Variants in NFKB1 observed in about 807,000 individuals in gnomAD.
NFKB1 encodes nuclear factor NF-kappa-B p105 subunit.
A neutral mutation model predicts 105.1 loss-of-function variants in NFKB1; 9 were observed. That is an observed-to-expected ratio of 0.09 (90% confidence interval 0.05 to 0.15). The LOEUF (loss-of-function observed/expected upper bound fraction) is 0.15. Among genes scored for constraint, NFKB1 ranks in the 10% least tolerant of loss-of-function variants. The pLI, the probability that NFKB1 is intolerant of heterozygous loss-of-function variation, is 1.00. For synonymous variants in NFKB1, 440 were observed against 442.2 expected, an observed-to-expected ratio of 1.00 and a Z score of 0.06; for missense variants, 830 against 1,203.7, an observed-to-expected ratio of 0.69 and a Z score of 4.59.
chr4:102,547,139 C>A, intron 5 of NFKB1, among the ~76,000 whole-genome samples: 1 of 152,082 alleles, frequency 6.6e-6, no homozygotes. Context: ...TCAGAATCTT[C>A]AGATAATTGA....
intron 1 of NFKB1, among the ~76,000 whole-genome samples, chr4:102,510,293 C>T (rs1406791626): frequency 6.6e-6 from 1 of 152,118 alleles, no homozygotes; most frequent in African/African-American, 2.4e-5. Flanking sequence ...TTTTTATTTG[C>T]ACAGCACCTG....
rs369470181 is a variant in NFKB1 at position 102,613,481 on chromosome 4, C to A, written c.2649C>A (p.Thr883=). 7.4e-6 allele frequency: 12 copies of A among 1,613,794 alleles called. No homozygotes were observed. The highest frequency in any genetic ancestry group is 9.3e-6 in the Non-Finnish European group (11 of 1,179,996). Residue 883 remains threonine, a synonymous_variant, in exon 23 of 24, where the codon ACC becomes ACA. Coordinates refer to ENST00000226574, the MANE Select transcript of NFKB1 (RefSeq NM_003998.4). ...LVEALRQMGY[T]EAIEVIQAAS... ...AGGCCCTGAGACAAATGGGCTACAC[C>A]GAAGCAATTGAAGTGATCCAGGCAG...
chr4:102,594,616 C>A (rs964462052), intron 12 of NFKB1, among the ~76,000 whole-genome samples: 14 of 152,166 alleles, frequency 9.2e-5, no homozygotes, highest in African/African-American at 3.1e-4. Context: ...ATTAGCCTCT[C>A]CCCTTCACAT....
intron 5 of NFKB1, among the ~76,000 whole-genome samples, chr4:102,549,687 T>C (rs1722425841): frequency 6.6e-6 from 1 of 152,058 alleles, no homozygotes; most frequent in African/African-American, 2.4e-5. Flanking sequence ...CAACTGAATT[T>C]CAAATCTTCC....
chr4:102,571,555 A>C (rs1724360352), intron 6 of NFKB1, among the ~76,000 whole-genome samples: 1 of 152,228 alleles, frequency 6.6e-6, no homozygotes. Flanking sequence ...CAACCTACAG[A>C]ATGGGAGAAA....
chr4:102,596,265 C>T lies in NFKB1; in HGVS notation c.1428C>T (p.Thr476=), dbSNP rs745959784. ...AAGATCAGGAGCCCAGCGAGGCCAC[C>T]GTTGGGAATGGTGAGGTCACTCTAA... ...TEQDQEPSEA[T]VGNGEVTLTY... The change falls in exon 14 of 24, where the codon ACC becomes ACT. Residue 476 remains threonine, a synonymous_variant. Coordinates refer to ENST00000226574, the MANE Select transcript of NFKB1 (RefSeq NM_003998.4). The T allele has an allele frequency of 4.3e-6, 7 of 1,613,454 alleles. No individual in the cohort carries two copies. The highest frequency in any genetic ancestry group is 2.7e-5 in the African/African-American group (2 of 74,882).
chr4:102,549,537 G>C (rs1011333240), intron 5 of NFKB1, among the ~76,000 whole-genome samples: 1 of 151,132 alleles, frequency 6.6e-6, no homozygotes, highest in Non-Finnish European at 1.5e-5. Flanking sequence ...ATGGTGTTGA[G>C]TTATATAGTT....
chr4:102,586,156 C>T lies in NFKB1; in HGVS notation c.1066+1336C>T, dbSNP rs142281487. ...GAGAAACAGTGCAGTTAGTAAAGGTCCTAGTGCCAGGAATGAAAGGAGATG... is the reference window on the plus strand; with the variant it reads ...GAGAAACAGTGCAGTTAGTAAAGGTTCTAGTGCCAGGAATGAAAGGAGATG... On this transcript the variant is annotated intron_variant, in intron 11 of 23. Coordinates refer to ENST00000226574, the MANE Select transcript of NFKB1 (RefSeq NM_003998.4). 2.6e-5 allele frequency among the ~76,000 whole-genome samples: 4 copies of T among 152,150 alleles called. No individual in the cohort carries two copies. In the East Asian group the frequency reaches 7.7e-4, roughly 29 times the overall value.
At chr4:102,604,599 C>T (rs1310641573) in intron 16 of NFKB1, among the ~76,000 whole-genome samples, 2 of 151,728 alleles carry the variant, frequency 1.3e-5, no homozygotes, top group African/African-American at 4.9e-5. Context: ...CTTATCCACA[C>T]AGTTCTACAT....
rs912380643 is a variant in NFKB1 at position 102,593,337 on chromosome 4, A to C, written c.1067-88A>C. The stretch of plus-strand genomic sequence containing the variant: ...TCTATTTCCCTTTAAGATGTTTAAA[A>C]ATACCATTAGAATCAGTGGTCTTTC... On this transcript the variant is annotated intron_variant, in intron 11 of 23. Transcript: ENST00000226574. 6 of 1,216,612 alleles carry C rather than the reference A, an allele frequency of 4.9e-6. No homozygotes were observed. In the African/African-American group the frequency reaches 9.2e-5, roughly 19 times the overall value. 75.4% of individuals were successfully genotyped at this position (1,216,612 alleles called of 1,614,324 possible). A position where few individuals can be genotyped will look rare whatever the true frequency, so the allele number is the denominator to read the frequency against.
intron 7 of NFKB1, chr4:102,578,507 T>C (rs1578787287): frequency 4.1e-6 from 1 of 246,192 alleles, no homozygotes; most frequent in African/African-American, 2.2e-5. Flanking sequence ...TGGAATAATT[T>C]GCACACTTCT....
At chr4:102,511,231 A>G (rs1739761509) in intron 1 of NFKB1, among the ~76,000 whole-genome samples, 1 of 152,224 alleles carries the variant, frequency 6.6e-6, no homozygotes, top group South Asian at 2.1e-4. Flanking sequence ...TAACATAAGT[A>G]GGGTTTTATT....
At chr4:102,599,924 G>A (rs942310430) in intron 15 of NFKB1, among the ~76,000 whole-genome samples, 1 of 152,020 alleles carries the variant, frequency 6.6e-6, no homozygotes, top group Non-Finnish European at 1.5e-5. Context: ...AAAGAATTAC[G>A]CTCCTGTGAG....
chr4:102,586,987 CT>C (rs1240112133), intron 11 of NFKB1, among the ~76,000 whole-genome samples: 1 of 152,250 alleles, frequency 6.6e-6, no homozygotes, highest in Admixed American at 6.5e-5. Context: ...GTTGTGGCCT[CT>C]CCATTGTTTG....
chr4:102,587,572 T>G (rs143485270), intron 11 of NFKB1, among the ~76,000 whole-genome samples: 214 of 152,198 alleles, frequency 1.4e-3, no homozygotes, highest in African/African-American at 4.8e-3. Flanking sequence ...TAGTAGGAAC[T>G]ATCCAATGCA....
At chr4:102,548,014 A>G (rs1045795032) in intron 5 of NFKB1, among the ~76,000 whole-genome samples, 1 of 152,134 alleles carries the variant, frequency 6.6e-6, no homozygotes, top group Admixed American at 6.6e-5. Context: ...TACTTATGAT[A>G]GAGAGCACCC....
At chr4:102,511,378 T>C (rs911337516) in intron 1 of NFKB1, among the ~76,000 whole-genome samples, 3 of 152,236 alleles carry the variant, frequency 2.0e-5, no homozygotes, top group Non-Finnish European at 4.4e-5. Flanking sequence ...GTCTTTTCAG[T>C]TTTTAAAATT....
At chr4:102,555,412 A>G (rs1186238963) in intron 5 of NFKB1, among the ~76,000 whole-genome samples, 2 of 152,226 alleles carry the variant, frequency 1.3e-5, no homozygotes, top group African/African-American at 4.8e-5. Context: ...CTTTGTCCTC[A>G]GGAAACAATC....
chr4:102,555,448 C>T (rs1722918798), intron 5 of NFKB1, among the ~76,000 whole-genome samples: 2 of 152,198 alleles, frequency 1.3e-5, no homozygotes, highest in African/African-American at 4.8e-5. Flanking sequence ...CGAAGATATG[C>T]CCTTAAATAC....
Sources: gnomAD v4.1 joint callset for allele counts (sites outside exome capture counted in the v4.1 genomes callset) on GRCh38, gnomAD v4.1.1 for gene constraint, MANE v1.5 for transcripts, NCBI Gene and HGNC (gene_info 2026-07-23, HGNC 2026-07-21) for gene names.